FREM2: variants seen among roughly 807,000 people sequenced by gnomAD.
FREM2 encodes FRAS1-related extracellular matrix protein 2.
A neutral mutation model predicts 219.9 loss-of-function variants in FREM2; 119 were observed. The observed-to-expected ratio is 0.54, with a 90% CI of 0.47 to 0.63. The LOEUF is 0.63. Among genes scored for constraint, FREM2 ranks in the 30% least tolerant of loss-of-function variants. FREM2 has a pLI of 0.00. For synonymous variants in FREM2, 1,562 were observed against 1,522.8 expected, an observed-to-expected ratio of 1.03 and a Z score of -0.60; for missense variants, 4,030 against 3,993.6, an observed-to-expected ratio of 1.01 and a Z score of -0.25.
At chr13:38,731,194 G>A (rs1871754897) in intron 2 of FREM2, among the ~76,000 whole-genome samples, 1 of 152,078 alleles carries the variant, frequency 6.6e-6, no homozygotes, top group Non-Finnish European at 1.5e-5. Context: ...AGAAAATGTA[G>A]CCTGTGAGGA....
chr13:38,786,316 G>A (rs1185586260), intron 6 of FREM2, among the ~76,000 whole-genome samples: 3 of 152,088 alleles, frequency 2.0e-5, no homozygotes, highest in Non-Finnish European at 4.4e-5. Flanking sequence ...TACTGAAAAT[G>A]TTTGAAAACA....
chr13:38,834,287 T>C (rs1876626896), intron 6 of FREM2, among the ~76,000 whole-genome samples: 1 of 152,112 alleles, frequency 6.6e-6, no homozygotes, highest in South Asian at 2.1e-4. Flanking sequence ...TCTGTTCCTG[T>C]GTTAGTTTGC....
chr13:38,843,014 A>G (rs536908767), intron 6 of FREM2, among the ~76,000 whole-genome samples: 1 of 152,198 alleles, frequency 6.6e-6, no homozygotes. Flanking sequence ...CAAGGGATAG[A>G]GTGTAGAGTT....
chr13:38,873,001 T>G (rs1878217053), intron 17 of FREM2, 67 bp downstream of exon 17: 1 of 1,391,262 alleles, frequency 7.2e-7, no homozygotes, highest in African/African-American at 1.4e-5. Context: ...AGACGATTTT[T>G]TTTTGCCATT....
intron 6 of FREM2, among the ~76,000 whole-genome samples, chr13:38,825,729 A>G (rs1876255642): frequency 6.6e-6 from 1 of 152,096 alleles, no homozygotes; most frequent in Non-Finnish European, 1.5e-5. Flanking sequence ...TAAGCTGTCC[A>G]GTTCTATTAC....
chr13:38,716,890 A>G (rs1871025174), intron 2 of FREM2, among the ~76,000 whole-genome samples: 1 of 152,208 alleles, frequency 6.6e-6, no homozygotes, highest in Admixed American at 6.5e-5. Flanking sequence ...CGCATAGACA[A>G]AAATTTGAGT....
At chr13:38,848,745 C>A (rs1877260262) in intron 8 of FREM2, 75 bp downstream of exon 8, 2 of 1,259,982 alleles carry the variant, frequency 1.6e-6, no homozygotes, top group Non-Finnish European at 2.3e-6. Flanking sequence ...ATATGATAAG[C>A]AAGATGATTA....
Position 38,880,423 on chromosome 13 carries a change from G to A in FREM2, c.9146G>A (p.Ser3049Asn), listed in dbSNP as rs1284716505. 4.3e-6 allele frequency: 7 copies of A among 1,613,982 alleles called. No individual in the cohort carries two copies. Among genetic ancestry groups the A allele is most frequent in the African/African-American group, 4.0e-5 (3 of 74,892 alleles). ...GGAAAGCCCCAATCCACCACCAAGA[G>A]CCGGAAGAAGAGAGAGATCAGGAGC... ...SQGKPQSTTK[S>N]RKKREIRSTP... is the part of the protein sequence containing the mutation. Residue 3049 changes from serine to asparagine, a missense_variant, in exon 24 of 24, where the codon AGC becomes AAC. By Grantham distance (46) the Ser-to-Asn change is conservative. This residue lies in a region of FREM2 where 928 missense variants were observed against 1,042.9 expected (regional missense o/e 0.89). Coordinates refer to ENST00000280481, the MANE Select transcript of FREM2 (RefSeq NM_207361.6).
At chr13:38,862,544 A>G (rs1414441258) in intron 15 of FREM2, among the ~76,000 whole-genome samples, 2 of 152,172 alleles carry the variant, frequency 1.3e-5, no homozygotes, top group Non-Finnish European at 2.9e-5. Context: ...GCACTGTTCA[A>G]TGTTCAATAG....
intron 2 of FREM2, among the ~76,000 whole-genome samples, chr13:38,746,013 T>A (rs1468225697): frequency 6.6e-6 from 1 of 152,178 alleles, no homozygotes; most frequent in Non-Finnish European, 1.5e-5. Context: ...CTTACTTTTA[T>A]GATTTCTGTA....
intron 12 of FREM2, among the ~76,000 whole-genome samples, chr13:38,856,921 T>G (rs1218844634): frequency 1.3e-5 from 2 of 152,140 alleles, no homozygotes; most frequent in East Asian, 3.9e-4. Flanking sequence ...TTACTTTTTT[T>G]TATTTGTTTC....
intron 6 of FREM2, among the ~76,000 whole-genome samples, chr13:38,828,078 A>G (rs1015245653): frequency 6.6e-6 from 1 of 152,148 alleles, no homozygotes; most frequent in African/African-American, 2.4e-5. Flanking sequence ...CTTTCCATAC[A>G]TCCAATAACA....
intron 6 of FREM2, among the ~76,000 whole-genome samples, chr13:38,810,349 T>C (rs1397318489): frequency 6.6e-6 from 1 of 152,116 alleles, no homozygotes; most frequent in African/African-American, 2.4e-5. Context: ...AGACATCCAG[T>C]TATATGTTGG....
intron 2 of FREM2, 48 bp downstream of exon 2, chr13:38,697,835 C>T: frequency 9.7e-7 from 1 of 1,026,306 alleles, no homozygotes; most frequent in Non-Finnish European, 1.5e-6. Flanking sequence ...AGACGCTTTT[C>T]TTGGTTGCTC....
At chr13:38,821,270 T>A (rs914169630) in intron 6 of FREM2, among the ~76,000 whole-genome samples, 1 of 152,164 alleles carries the variant, frequency 6.6e-6, no homozygotes, top group Admixed American at 6.6e-5. Flanking sequence ...TTATACATTT[T>A]TTTTTTGTAA....
intron 2 of FREM2, among the ~76,000 whole-genome samples, chr13:38,704,583 A>T (rs2138087008): frequency 6.6e-6 from 1 of 152,300 alleles, no homozygotes; most frequent in South Asian, 2.1e-4. Context: ...AAACCAGAGA[A>T]GGTAACAAGA....
chr13:38,846,996 A>C (rs956939201), intron 7 of FREM2, among the ~76,000 whole-genome samples: 2 of 151,954 alleles, frequency 1.3e-5, no homozygotes, highest in Non-Finnish European at 2.9e-5. Context: ...GTGGTTCTCT[A>C]CTCTCAGCAA....
intron 6 of FREM2, among the ~76,000 whole-genome samples, chr13:38,834,404 A>G (rs1876631133): frequency 1.3e-5 from 2 of 152,168 alleles, no homozygotes; most frequent in South Asian, 4.1e-4. Flanking sequence ...CATTTTCTTT[A>G]TCCAGTCTAA....
intron 2 of FREM2, 41 bp from the exon 3 acceptor site, chr13:38,764,263 A>C: frequency 1.4e-6 from 2 of 1,467,886 alleles, no homozygotes; most frequent in East Asian, 4.6e-5. Flanking sequence ...TCACTCATTC[A>C]AGAAAGCACT....
Sources: allele counts gnomAD v4.1 joint callset (sites outside exome capture counted in the v4.1 genomes callset), GRCh38; gene constraint gnomAD v4.1.1; regional missense constraint gnomAD v4.1.1; transcripts MANE v1.5; gene names NCBI Gene and HGNC (gene_info 2026-07-23, HGNC 2026-07-21).